IRAG2: variants seen among roughly 807,000 people sequenced by gnomAD.
The protein encoded by IRAG2 is lymphoid restricted membrane protein.
IRAG2 carries 45 observed loss-of-function variants against 69.9 expected under a neutral mutation model. The ratio of observed to expected loss-of-function variants is 0.64; its 90% CI spans 0.51 to 0.83. IRAG2 has a LOEUF of 0.83. Ranked by LOEUF, IRAG2 falls within the 40% of genes least tolerant of loss-of-function variation. The pLI is 0.00. For synonymous variants in IRAG2, 193 were observed against 202.4 expected (o/e 0.95, Z 0.40); for missense variants, 520 against 587.0 (o/e 0.89, Z 1.18).
At chr12:25,076,460 A>G (rs1946695983) in intron 6 of IRAG2, 3 of 983,488 alleles carry the variant, frequency 3.1e-6, no homozygotes, top group Non-Finnish European at 3.6e-6. Context: ...ATGGAGGCAA[A>G]CTGTATTTTT....
intron 5 of IRAG2, among the ~76,000 whole-genome samples, chr12:25,067,447 G>A (rs929347039): frequency 6.6e-6 from 1 of 152,156 alleles, no homozygotes; most frequent in Non-Finnish European, 1.5e-5. Flanking sequence ...CGATTCCACA[G>A]GTTAAGGGCT....
chr12:25,010,093 C>G (rs1944463233), intron 2 of IRAG2, among the ~76,000 whole-genome samples: 1 of 152,182 alleles, frequency 6.6e-6, no homozygotes, highest in Non-Finnish European at 1.5e-5. Context: ...TTTGATATGA[C>G]AGAGGGCTTA....
At chr12:25,104,523 C>G in intron 20 of IRAG2, 61 bp downstream of exon 20, 1 of 895,486 alleles carries the variant, frequency 1.1e-6, no homozygotes, top group Non-Finnish European at 1.9e-6. Flanking sequence ...CAATGGGAAT[C>G]ACTTTTATTC....
intron 10 of IRAG2, among the ~76,000 whole-genome samples, chr12:25,085,628 A>G (rs1353259220): frequency 2.0e-5 from 3 of 151,006 alleles, no homozygotes; most frequent in African/African-American, 7.4e-5. Flanking sequence ...TACAACATTC[A>G]GACACAAAAA....
intron 2 of IRAG2, among the ~76,000 whole-genome samples, chr12:25,008,983 A>C (rs1944453331): frequency 6.6e-6 from 1 of 152,134 alleles, no homozygotes; most frequent in African/African-American, 2.4e-5. Flanking sequence ...ATCCATGTCA[A>C]TTGGATATTA....
chr12:25,009,541 G>A (rs1214656030), intron 2 of IRAG2, among the ~76,000 whole-genome samples: 1 of 152,170 alleles, frequency 6.6e-6, no homozygotes, highest in African/African-American at 2.4e-5. Context: ...GGTGGGAAGA[G>A]ATATTTATAT....
At chr12:25,045,336 A>G (rs376187075) in intron 16 of IRAG2, among the ~76,000 whole-genome samples, 1 of 152,072 alleles carries the variant, frequency 6.6e-6, no homozygotes, top group African/African-American at 2.4e-5. Flanking sequence ...TTACACTTCA[A>G]TGAACTAGAA....
At chr12:25,035,469 T>C in intron 13 of IRAG2, 1 of 389,974 alleles carries the variant, frequency 2.6e-6, no homozygotes, top group Non-Finnish European at 4.5e-6. Context: ...AAATGTTCAA[T>C]TGGAGCCATC....
At chr12:25,087,448 G>A (rs565345625) in intron 10 of IRAG2, among the ~76,000 whole-genome samples, 19 of 152,222 alleles carry the variant, frequency 1.2e-4, no homozygotes, top group Non-Finnish European at 2.4e-4. Flanking sequence ...GATTACAGGC[G>A]TGAGCCACAG....
upstream of IRAG2, among the ~76,000 whole-genome samples, chr12:25,002,191 G>C (rs1944396618): frequency 2.6e-5 from 4 of 152,102 alleles, no homozygotes; most frequent in South Asian, 8.3e-4. Context: ...TACTGCTACT[G>C]CACTTCTACC....
intron 5 of IRAG2, chr12:25,015,576 T>A: frequency 2.2e-6 from 1 of 448,116 alleles, no homozygotes; most frequent in Non-Finnish European, 3.7e-6. Flanking sequence ...CTTCACTGAT[T>A]CTAATAATGC....
intron 9 of IRAG2, among the ~76,000 whole-genome samples, chr12:25,080,319 A>AAATCAATC (rs977674282): frequency 4.6e-5 from 7 of 152,166 alleles, no homozygotes; most frequent in South Asian, 2.1e-4. Flanking sequence ...CCATAAAAAA[A>AAATCAATC]AATCAATCAA....
chr12:25,084,074 T>G (rs1947405298), intron 10 of IRAG2, among the ~76,000 whole-genome samples: 1 of 152,082 alleles, frequency 6.6e-6, no homozygotes, highest in Non-Finnish European at 1.5e-5. Flanking sequence ...GAGAAAAGAG[T>G]TAAATTCCTT....
At chr12:25,020,161 A>G (rs566025993) in intron 6 of IRAG2, among the ~76,000 whole-genome samples, 1 of 152,342 alleles carries the variant, frequency 6.6e-6, no homozygotes, top group East Asian at 1.9e-4. Flanking sequence ...TCTATAATCT[A>G]ACGGGAGCTA....
In IRAG2 at chr12:25,005,331, A is replaced by G. The variant is rs928934257; in HGVS notation, c.665A>G (p.Asn222Ser). The G allele has an allele frequency of 2.6e-5, 32 of 1,227,992 alleles. No individual in the cohort carries two copies. The Admixed American group carries it at 3.4e-4, about 13-fold the overall frequency. The allele number at this position is 1,227,992 out of a possible 1,614,324, so 76.1% of individuals were successfully genotyped here. A position where few individuals can be genotyped will look rare whatever the true frequency, so the allele number is the denominator to read the frequency against. The change falls in exon 2 of 39, where the codon AAT (asparagine) becomes AGT (serine). Residue 222 changes from asparagine (N) to serine (S), a missense_variant. Asn to Ser is a conservative substitution (Grantham distance 46). Coordinates refer to the IRAG2 transcript ENST00000636465. ...GAAGAGGCACTCACAAGTATTTTTA[A>G]TGCATGTGACATCAAACGGAAAGGT...
chr12:25,037,134 T>C (rs1276035805), intron 15 of IRAG2, among the ~76,000 whole-genome samples: 2 of 152,148 alleles, frequency 1.3e-5, no homozygotes, highest in African/African-American at 2.4e-5. Context: ...CCCAGCTTTA[T>C]TAGAAAGGAA....
chr12:25,051,034 T>C (rs1944857194), upstream of IRAG2, among the ~76,000 whole-genome samples: 1 of 152,220 alleles, frequency 6.6e-6, no homozygotes, highest in Admixed American at 6.5e-5. Context: ...GATGAAGATG[T>C]TCTAGAGATC....
At chr12:25,083,359 G>A (rs1020246134) in intron 9 of IRAG2, 64 bp from the exon 10 acceptor site, 1 of 1,003,326 alleles carries the variant, frequency 1.0e-6, no homozygotes. Flanking sequence ...CACTCTCACT[G>A]TTTCCTCCTC....
At chr12:25,028,993 G>A (rs572700093) in intron 9 of IRAG2, among the ~76,000 whole-genome samples, 40 of 152,304 alleles carry the variant, frequency 2.6e-4, no homozygotes, top group African/African-American at 9.1e-4. Flanking sequence ...GAACTCCTGG[G>A]TTCAAGTGAT....
Sources: allele counts gnomAD v4.1 joint callset (sites outside exome capture counted in the v4.1 genomes callset), GRCh38; gene constraint gnomAD v4.1.1; transcripts MANE v1.5; gene names NCBI Gene and HGNC (gene_info 2026-07-23, HGNC 2026-07-21).